The following TMEM132B variants were observed in gnomAD, a reference collection of about 807,000 sequenced individuals.
TMEM132B encodes transmembrane protein 132B.
A neutral mutation model predicts 90.8 loss-of-function variants in TMEM132B; 18 were observed. The observed-to-expected ratio is 0.20, with a 90% CI of 0.14 to 0.29. TMEM132B has a LOEUF of 0.29. Ranked by LOEUF, TMEM132B falls within the 10% of genes least tolerant of loss-of-function variation. TMEM132B has a pLI of 1.00. For missense variants in TMEM132B, 1,096 were observed against 1,326.8 expected (o/e 0.83, Z 2.70); for synonymous variants, 504 against 523.3 (o/e 0.96, Z 0.50).
At position 125,408,394 on chromosome 12, in the gene TMEM132B, G is replaced by A. The variant is rs1319595921; in HGVS notation, c.960-7137G>A. 1.3e-5 allele frequency among the ~76,000 whole-genome samples: 2 copies of A among 152,130 alleles called. No individual in the cohort carries two copies. The highest frequency in any genetic ancestry group is 2.9e-5 in the Non-Finnish European group (2 of 68,028). Reference sequence around the variant, plus strand: ...TTAGGTCATCTCCCTAAAGGAATGGGATTAATGCCCTTATAAAAGAGGTTT... The same window carrying A: ...TTAGGTCATCTCCCTAAAGGAATGGAATTAATGCCCTTATAAAAGAGGTTT... On this transcript the variant is annotated intron_variant, in intron 2 of 8. Transcript: ENST00000682704. This position sits in a 1 kb window ranked among gnomAD's most constrained non-coding sequence, Gnocchi z 5.9.
intron 3 of TMEM132B, among the ~76,000 whole-genome samples, chr12:125,454,585 T>C (rs987174365): frequency 3.3e-5 from 5 of 152,230 alleles, no homozygotes; most frequent in Non-Finnish European, 7.3e-5. Flanking sequence ...AACATCTTGC[T>C]TAGCGCTCAA....
intron 4 of TMEM132B, among the ~76,000 whole-genome samples, chr12:125,548,461 C>T (rs753003409): frequency 2.0e-5 from 3 of 152,152 alleles, no homozygotes; most frequent in Admixed American, 1.3e-4. Context: ...GATTGTGACT[C>T]ACAGTTTGAA....
chr12:125,456,826 G>A (rs1193285034), intron 3 of TMEM132B, among the ~76,000 whole-genome samples: 1 of 152,190 alleles, frequency 6.6e-6, no homozygotes, highest in African/African-American at 2.4e-5. Flanking sequence ...CCTTACATCT[G>A]AACTTTGTGA....
intron 1 of TMEM132B, among the ~76,000 whole-genome samples, chr12:125,241,788 T>C (rs1462600453): frequency 6.6e-6 from 1 of 152,186 alleles, no homozygotes; most frequent in East Asian, 1.9e-4. Flanking sequence ...ACACAGTTTC[T>C]AAAGCTCTCC....
intron 1 of TMEM132B, among the ~76,000 whole-genome samples, chr12:125,243,566 A>G (rs1241294610): frequency 1.3e-5 from 2 of 152,160 alleles, no homozygotes; most frequent in Non-Finnish European, 2.9e-5. Flanking sequence ...TCGGCCTCCC[A>G]AAGTGCTGGG....
At chr12:125,528,031 T>C (rs1011768492) in intron 4 of TMEM132B, among the ~76,000 whole-genome samples, 2 of 152,232 alleles carry the variant, frequency 1.3e-5, no homozygotes, top group Non-Finnish European at 2.9e-5. Flanking sequence ...AGGAGAGGGA[T>C]GCTGCCACCC....
intron 1 of TMEM132B, among the ~76,000 whole-genome samples, chr12:125,253,280 A>T (rs1874356075): frequency 6.6e-6 from 1 of 152,182 alleles, no homozygotes; most frequent in Admixed American, 6.5e-5. Flanking sequence ...ACCATGTGCC[A>T]GGCACTGCGT....
intron 2 of TMEM132B, among the ~76,000 whole-genome samples, chr12:125,372,273 G>T (rs1196008418): frequency 6.6e-6 from 1 of 152,196 alleles, no homozygotes. Flanking sequence ...TGTGTCCCCG[G>T]CTAGAACTGG....
At chr12:125,465,422 A>G (rs1269609732) in intron 3 of TMEM132B, among the ~76,000 whole-genome samples, 1 of 152,244 alleles carries the variant, frequency 6.6e-6, no homozygotes, top group Non-Finnish European at 1.5e-5. Context: ...GTAAGGCAAT[A>G]ACTCCTCTTA....
intron 1 of TMEM132B, among the ~76,000 whole-genome samples, chr12:125,250,697 C>A (rs1874298325): frequency 6.6e-6 from 1 of 152,146 alleles, no homozygotes; most frequent in South Asian, 2.1e-4. Context: ...TTCCCTGAAG[C>A]AGTGAGCCCA....
At chr12:125,413,639 T>G (rs1264138661) in intron 2 of TMEM132B, among the ~76,000 whole-genome samples, 1 of 152,254 alleles carries the variant, frequency 6.6e-6, no homozygotes, top group Non-Finnish European at 1.5e-5. Context: ...CAGCATCACG[T>G]TATCGAGGTT....
chr12:125,425,166 T>A (rs551149829), intron 3 of TMEM132B, among the ~76,000 whole-genome samples: 1 of 152,292 alleles, frequency 6.6e-6, no homozygotes, highest in South Asian at 2.1e-4. Context: ...TGCTGGCCTG[T>A]CCAGAGCAGG....
intron 1 of TMEM132B, among the ~76,000 whole-genome samples, chr12:125,311,304 C>A (rs566668148): frequency 6.6e-6 from 1 of 152,324 alleles, no homozygotes; most frequent in East Asian, 1.9e-4. Flanking sequence ...AGGCAGGCAA[C>A]TGCTGCTTGG....
Position 125,460,896 on chromosome 12 carries a change from A to G in TMEM132B, c.1106+45219A>G, listed in dbSNP as rs766494470. On this transcript the variant is annotated intron_variant, in intron 3 of 8. Coordinates refer to ENST00000682704, the MANE Select transcript of TMEM132B (RefSeq NM_001366854.1). This position sits in a 1 kb window ranked among gnomAD's most constrained non-coding sequence, Gnocchi z 4.4. ...TGTTTGTTGTCATCATGAAAGTTTT[A>G]AAAAAGATCTTTACAATTTTGCTCC... 2.6e-5 allele frequency among the ~76,000 whole-genome samples: 4 copies of G among 152,234 alleles called. No individual in the cohort carries two copies. The highest frequency in any genetic ancestry group is 6.5e-5 in the Admixed American group (1 of 15,290).
chr12:125,323,798 C>T (rs1430226868), intron 1 of TMEM132B, among the ~76,000 whole-genome samples: 1 of 152,062 alleles, frequency 6.6e-6, no homozygotes, highest in African/African-American at 2.4e-5. Context: ...GGATTACAGG[C>T]GTGAGCCACC....
At position 125,457,234 on chromosome 12, in the gene TMEM132B, C is replaced by T. The variant is rs115085387; in HGVS notation, c.1106+41557C>T. The stretch of plus-strand genomic sequence containing the variant: ...GCTCTTTCCTTCTCTCCACCTCCTT[C>T]GCAGGGATTCCTAGTTTCTCCCCTA... On this transcript the variant is annotated intron_variant, in intron 3 of 8. Transcript: ENST00000682704. Among the ~76,000 whole-genome samples the T allele has an allele frequency of 6.8e-3, 1,034 of 152,342 alleles. 15 individuals are homozygous for T. The highest frequency in any genetic ancestry group is 0.023 in the African/African-American group (960 of 41,576).
intron 5 of TMEM132B, among the ~76,000 whole-genome samples, chr12:125,604,621 AT>A (rs1348236859): frequency 2.6e-5 from 4 of 152,258 alleles, no homozygotes; most frequent in South Asian, 2.1e-4. Flanking sequence ...AATAAAAAAA[AT>A]AAATAAATTG....
intron 4 of TMEM132B, among the ~76,000 whole-genome samples, chr12:125,564,627 A>G (rs144014137): frequency 1.1e-4 from 16 of 152,254 alleles, no homozygotes; most frequent in Middle Eastern, 3.4e-3. Context: ...TTAAGGAACT[A>G]TTTCGATCTT....
intron 2 of TMEM132B, among the ~76,000 whole-genome samples, chr12:125,361,966 T>C (rs1027028137): frequency 1.1e-4 from 16 of 152,198 alleles, no homozygotes; most frequent in Admixed American, 8.5e-4. Flanking sequence ...AATATCTTAG[T>C]GAACACTTAG....
Sources: gnomAD v4.1 joint callset for allele counts (sites outside exome capture counted in the v4.1 genomes callset) on GRCh38, gnomAD v4.1.1 for gene constraint, Gnocchi (gnomAD v3.1) non-coding constraint, MANE v1.5 for transcripts, NCBI Gene and HGNC (gene_info 2026-07-23, HGNC 2026-07-21) for gene names.